FAM193B: variants seen among roughly 807,000 people sequenced by gnomAD.
FAM193B encodes protein FAM193B.
In FAM193B, 27 loss-of-function variants were observed where a neutral mutation model predicts 70.7. The observed-to-expected ratio is 0.38, with a 90% confidence interval of 0.28 to 0.53. The LOEUF is 0.53. Among genes scored for constraint, FAM193B ranks in the 20% least tolerant of loss-of-function variants. FAM193B has a pLI of 0.81. For missense variants in FAM193B, 1,022 were observed against 1,072.5 expected, an observed-to-expected ratio of 0.95 and a Z score of 0.66; for synonymous variants, 448 against 436.0, an observed-to-expected ratio of 1.03 and a Z score of -0.34.
chr5:177,553,556 C>G (rs1179518870), intron 1 of FAM193B: 2 of 1,138,468 alleles, frequency 1.8e-6, no homozygotes. Context: ...AAGCTGGAAG[C>G]TTTGGGGAAT....
chr5:177,536,387 C>CG lies in FAM193B; in HGVS notation c.1046dup (p.Ser350GlufsTer7). On this transcript the variant is annotated frameshift_variant, in exon 4 of 9. Coordinates refer to ENST00000514747, the MANE Select transcript of FAM193B (RefSeq NM_001190946.3). LOFTEE classifies it high-confidence loss of function. ...GAGTGCTAGGGAGTGGCTGAGAGCTCGGGGGTGGGAGGAGAGGCCCACTGC... is the reference window on the plus strand; with the variant it reads ...GAGTGCTAGGGAGTGGCTGAGAGCTCGGGGGGTGGGAGGAGAGGCCCACTGC... 6.2e-7 allele frequency: 1 copy of CG among 1,609,212 alleles called. No individual in the cohort carries two copies.
chr5:177,529,670 G>C (rs1727294939), intron 5 of FAM193B, among the ~76,000 whole-genome samples: 1 of 152,242 alleles, frequency 6.6e-6, no homozygotes. Flanking sequence ...TTTGTCAGAA[G>C]AAAAGGTGAG....
intron 5 of FAM193B, among the ~76,000 whole-genome samples, chr5:177,530,058 T>C (rs1016999879): frequency 2.0e-5 from 3 of 152,150 alleles, no homozygotes; most frequent in African/African-American, 7.2e-5. Context: ...CACCCAAATC[T>C]CTTCGGATGC....
chr5:177,548,006 C>T (rs1765671852), intron 1 of FAM193B, among the ~76,000 whole-genome samples: 1 of 152,188 alleles, frequency 6.6e-6, no homozygotes, highest in Non-Finnish European at 1.5e-5. Flanking sequence ...GCATGCCTCT[C>T]CTCAGTCCTT....
At position 177,524,374 on chromosome 5, in the gene FAM193B, C is replaced by A. The variant is rs1466931131; in HGVS notation, c.2107G>T (p.Ala703Ser). The A allele has an allele frequency of 2.5e-6, 4 of 1,571,800 alleles. No homozygotes were observed. In the African/African-American group the frequency reaches 4.1e-5, roughly 16 times the overall value. The change falls in exon 6 of 9, where the codon GCT becomes TCT. Residue 703 changes from alanine to serine, a missense_variant. Physicochemically the swap from Ala to Ser is moderately conservative, Grantham distance 99 (BLOSUM62 1). Transcript: ENST00000514747. ...SRGSRPGPGWAGSPKTEKEKG... is the reference protein window; with the variant it reads ...SRGSRPGPGWSGSPKTEKEKG... ...TCCTTCTCAGTTTTGGGACTGCCAGCCCAACCTGGTCCTGGCCGGCTCCCC... is the reference window on the plus strand; with the variant it reads ...TCCTTCTCAGTTTTGGGACTGCCAGACCAACCTGGTCCTGGCCGGCTCCCC...
chr5:177,531,413 C>T (rs1034182494), intron 5 of FAM193B: 7 of 1,361,096 alleles, frequency 5.1e-6, no homozygotes, highest in African/African-American at 1.5e-5. Flanking sequence ...CCAGGGATCC[C>T]GCCCAGGGTG....
At position 177,524,720 on chromosome 5, in the gene FAM193B, G is replaced by A. The variant is rs374231278; in HGVS notation, c.1761C>T (p.Leu587=). ...IVPENGLVRR[L]NTVPNLSRVI... ...CCCGGGATAGGTTGGGCACGGTGTT[G>A]AGTCTCCTCACGAGCCCGTTCTCGG... The change falls in exon 6 of 9, where the codon CTC becomes CTT. Residue 587 remains leucine, a synonymous_variant. Coordinates refer to ENST00000514747, the MANE Select transcript of FAM193B (RefSeq NM_001190946.3). The A allele has an allele frequency of 9.9e-5, 156 of 1,577,664 alleles. 1 individual carries two copies. The highest frequency in any genetic ancestry group is 2.0e-4 in the African/African-American group (15 of 73,672).
rs953630021 is a variant in FAM193B at position 177,538,686 on chromosome 5, A to G, written c.453+219T>C. On this transcript the variant is annotated intron_variant, in intron 2 of 8. Coordinates refer to ENST00000514747, the MANE Select transcript of FAM193B (RefSeq NM_001190946.3). This position sits in a 1 kb window ranked among gnomAD's most constrained non-coding sequence, Gnocchi z 4.1. ...ATGAGTGGGCCCTCATCCTGTGCAC[A>G]GACCACCCTGAGGGACTGACCGGTG... 2.0e-5 allele frequency among the ~76,000 whole-genome samples: 3 copies of G among 152,198 alleles called. No individual in the cohort carries two copies. The highest frequency in any genetic ancestry group is 2.0e-4 in the Admixed American group (3 of 15,272).
Position 177,524,459 on chromosome 5 carries a change from T to C in FAM193B, c.2022A>G (p.Pro674=). The C allele has an allele frequency of 6.2e-7, 1 of 1,611,610 alleles. No individual in the cohort carries two copies. ...AKGQVAGPKQ[P]GRVLELPKVG... is the part of the protein sequence containing the mutation. ...CTTTGGGAAGCTCTAGGACCCTGCCTGGCTGCTTGGGGCCAGCGACCTGGC... is the reference window on the plus strand; with the variant it reads ...CTTTGGGAAGCTCTAGGACCCTGCCCGGCTGCTTGGGGCCAGCGACCTGGC... The change falls in exon 6 of 9, where the codon CCA becomes CCG. Residue 674 remains proline (P), a synonymous_variant. Coordinates refer to ENST00000514747, the MANE Select transcript of FAM193B (RefSeq NM_001190946.3).
chr5:177,544,606 C>A (rs762633631), intron 1 of FAM193B, among the ~76,000 whole-genome samples: 1 of 152,084 alleles, frequency 6.6e-6, no homozygotes, highest in East Asian at 1.9e-4. Context: ...GCATCTACCA[C>A]CATGAGTTTG....
chr5:177,546,501 T>G (rs1171035288), intron 1 of FAM193B, among the ~76,000 whole-genome samples: 1 of 152,232 alleles, frequency 6.6e-6, no homozygotes, highest in Non-Finnish European at 1.5e-5. Flanking sequence ...AAAGGCAGAA[T>G]TTAAAACAGA....
chr5:177,542,806 A>T (rs1765007491), intron 1 of FAM193B, among the ~76,000 whole-genome samples: 2 of 152,156 alleles, frequency 1.3e-5, no homozygotes. Flanking sequence ...TCTTCTGCAC[A>T]ATTTATTTTC....
chr5:177,535,474 T>C (rs1581892170), intron 4 of FAM193B, among the ~76,000 whole-genome samples: 2 of 152,390 alleles, frequency 1.3e-5, no homozygotes, highest in East Asian at 3.9e-4. Flanking sequence ...CTCTTTCAAA[T>C]ATATGTTAGT....
chr5:177,531,992 G>A lies in FAM193B; in HGVS notation c.1275+451C>T, dbSNP rs145683990. 1,070 of 1,290,470 alleles carry A rather than the reference G, an allele frequency of 8.3e-4. 1 individual carries two copies. Among genetic ancestry groups the A allele is most frequent in the Non-Finnish European group, 1.0e-3 (1,029 of 989,698 alleles). The allele number at this position is 1,290,470 out of a possible 1,614,324, so 79.9% of individuals were successfully genotyped here. On this transcript the variant is annotated intron_variant, in intron 5 of 8. Transcript: ENST00000514747. ...GCACTGCTTCCTCCCCCTGGCCAGA[G>A]CCAGCATGCCCTCTGATCTGAGCCT...
intron 1 of FAM193B, chr5:177,547,283 T>TTTATTTA: frequency 1.8e-5 from 1 of 54,364 alleles, no homozygotes; most frequent in Non-Finnish European, 3.6e-5. Context: ...ACCAAATTTA[T>TTTATTTA]TTCTTTTTTT....
At chr5:177,521,568 G>A (rs543105329) in intron 8 of FAM193B, among the ~76,000 whole-genome samples, 6 of 152,366 alleles carry the variant, frequency 3.9e-5, no homozygotes, top group African/African-American at 1.4e-4. Flanking sequence ...GGAGCCCAGG[G>A]CAGGAAGTGG....
intron 7 of FAM193B, 98 bp downstream of exon 7, chr5:177,523,855 AAGGG>A: frequency 7.4e-7 from 1 of 1,346,246 alleles, no homozygotes; most frequent in Non-Finnish European, 1.1e-6. Context: ...GGTCAGGGCC[AAGGG>A]AGCAGGCCTT....
chr5:177,523,995 C>T lies in FAM193B; in HGVS notation c.2334G>A (p.Glu778=). Residue 778 remains glutamate, a synonymous_variant, in exon 7 of 9, where the codon GAG becomes GAA. Transcript: ENST00000514747. ...CCACCTCTCGGTCAGTCTCATCCAT[C>T]TCCACCCCGTCCATGTCCTTGGGCA... The part of the protein sequence containing the change: ...VFLPKDMDGV[E]MDETDREVEY... 6.2e-7 allele frequency: 1 copy of T among 1,614,094 alleles called. No homozygotes were observed. The highest frequency in any genetic ancestry group is 2.2e-5 in the East Asian group (1 of 44,874).
chr5:177,526,619 AAC>A (rs1414766705), intron 5 of FAM193B, among the ~76,000 whole-genome samples: 5 of 152,302 alleles, frequency 3.3e-5, no homozygotes, highest in African/African-American at 1.2e-4. Context: ...AAAGCACAGA[AAC>A]ACACACTTTC....
Sources: gnomAD v4.1 joint callset for allele counts (sites outside exome capture counted in the v4.1 genomes callset) on GRCh38, gnomAD v4.1.1 for gene constraint, Gnocchi (gnomAD v3.1) non-coding constraint, MANE v1.5 for transcripts, NCBI Gene and HGNC (gene_info 2026-07-23, HGNC 2026-07-21) for gene names.